The following PCDHGA2 variants were observed in gnomAD, a reference collection of about 807,000 sequenced individuals.
PCDHGA2 encodes the protein protocadherin gamma-A2.
Under a neutral mutation model 59.2 loss-of-function variants are expected in PCDHGA2, and 40 were observed. That is an observed-to-expected ratio of 0.68 (90% CI 0.52 to 0.88). The LOEUF (loss-of-function observed/expected upper bound fraction) is 0.88. Among genes scored for constraint, PCDHGA2 ranks in the 40% least tolerant of loss-of-function variants. PCDHGA2 has a pLI of 0.00. For missense variants in PCDHGA2, 1,226 were observed against 1,204.0 expected (o/e 1.02, Z -0.27); for synonymous variants, 560 against 526.0 (o/e 1.06, Z -0.89).
At chr5:141,384,266 C>T in intron 1 of PCDHGA2, 1 of 1,613,876 alleles carries the variant, frequency 6.2e-7, no homozygotes. Context: ...CCCCACTCAT[C>T]CTACTCAGTC....
At chr5:141,416,928 A>G (rs1297487387) in intron 1 of PCDHGA2, 4 of 152,170 alleles carry the variant, frequency 2.6e-5, no homozygotes, top group Non-Finnish European at 2.9e-5. Flanking sequence ...ATAGTTATTA[A>G]CTATTAAACC....
At position 141,491,150 on chromosome 5, in the gene PCDHGA2, A is replaced by G; in HGVS notation, c.2425-3657A>G. On this transcript the variant is annotated intron_variant, in intron 1 of 3. Coordinates refer to ENST00000394576, the MANE Select transcript of PCDHGA2 (RefSeq NM_018915.4). This position sits in a 1 kb window ranked among gnomAD's most constrained non-coding sequence, Gnocchi z 6.9. ...CGCACAGCCCGGGCCTTACTGGAGG[A>G]TGACTCTGACACCCAGCAGGTGGTG... is the stretch of plus-strand genomic sequence containing the variant. 1 of 1,614,122 alleles carries G rather than the reference A, an allele frequency of 6.2e-7. No individual in the cohort carries two copies. Among genetic ancestry groups the G allele is most frequent in the African/African-American group, 1.3e-5 (1 of 75,060 alleles).
chr5:141,367,287 C>T (rs1765038188), intron 1 of PCDHGA2: 2 of 153,044 alleles, frequency 1.3e-5, no homozygotes, highest in African/African-American at 2.4e-5. Flanking sequence ...GCCTGTAATC[C>T]CAGCACTTTG....
chr5:141,392,704 G>A, intron 1 of PCDHGA2: 1 of 1,281,856 alleles, frequency 7.8e-7, no homozygotes, highest in East Asian at 2.6e-5. Flanking sequence ...CCTGTTTGGA[G>A]GCACTCCAGG....
intron 1 of PCDHGA2, chr5:141,384,947 G>A: frequency 6.2e-7 from 1 of 1,614,100 alleles, no homozygotes; most frequent in Non-Finnish European, 8.5e-7. Context: ...CCCTCCGACG[G>A]TCCTTACAAC....
At chr5:141,460,453 A>T (rs1487816393) in intron 1 of PCDHGA2, among the ~76,000 whole-genome samples, 3 of 152,152 alleles carry the variant, frequency 2.0e-5, no homozygotes, top group Non-Finnish European at 4.4e-5. Flanking sequence ...ATGAAGATTC[A>T]TATTTTTTTC....
intron 2 of PCDHGA2, among the ~76,000 whole-genome samples, chr5:141,500,844 T>C (rs190011905): frequency 6.6e-6 from 1 of 152,204 alleles, no homozygotes; most frequent in Non-Finnish European, 1.5e-5. Flanking sequence ...AATGGGCTTT[T>C]GCTACATTAG....
At chr5:141,385,981 A>G (rs2090416620) in intron 1 of PCDHGA2, 1 of 152,244 alleles carries the variant, frequency 6.6e-6, no homozygotes, top group Non-Finnish European at 1.5e-5. Flanking sequence ...AACCAATAAA[A>G]TATGTCAAAT....
Position 141,476,461 on chromosome 5 carries a change from G to T in PCDHGA2, c.2425-18346G>T. On this transcript the variant is annotated intron_variant, in intron 1 of 3. Transcript: ENST00000394576. This position sits in a 1 kb window ranked among gnomAD's most constrained non-coding sequence, Gnocchi z 7.6. The stretch of plus-strand genomic sequence containing the variant: ...CTCTGGAGTTGGTAGTGGAGAACCC[G>T]CTGGAGCTGTTCAGCGTGGAAGTGG... The T allele has an allele frequency of 6.2e-7, 1 of 1,614,122 alleles. No homozygotes were observed. Among genetic ancestry groups the T allele is most frequent in the Non-Finnish European group, 8.5e-7 (1 of 1,180,022 alleles).
chr5:141,366,048 C>T (rs777611384), intron 1 of PCDHGA2: 9 of 1,614,262 alleles, frequency 5.6e-6, no homozygotes, highest in South Asian at 5.5e-5. Flanking sequence ...GACGGTTCCA[C>T]GGGCGTGGAG....
At chr5:141,428,307 C>T (rs759382004) in intron 1 of PCDHGA2, 5 of 688,034 alleles carry the variant, frequency 7.3e-6, no homozygotes, top group Non-Finnish European at 5.1e-6. Flanking sequence ...TTTACCTGGT[C>T]GTGGCCTTGG....
At position 141,490,207 on chromosome 5, in the gene PCDHGA2, C is replaced by G. The variant is rs142098675; in HGVS notation, c.2425-4600C>G. ...TTTCTATGAAATTCATGCAAGAGCC[C>G]GTGACCAGGGACAGCCTGCCATGGA... On this transcript the variant is annotated intron_variant, in intron 1 of 3. Coordinates refer to ENST00000394576, the MANE Select transcript of PCDHGA2 (RefSeq NM_018915.4). This position sits in a 1 kb window ranked among gnomAD's most constrained non-coding sequence, Gnocchi z 5.4. 2.9e-4 allele frequency: 470 copies of G among 1,614,056 alleles called. 1 individual carries two copies. Among genetic ancestry groups the G allele is most frequent in the Non-Finnish European group, 3.7e-4 (439 of 1,180,030 alleles).
chr5:141,408,903 A>C, intron 1 of PCDHGA2: 1 of 1,613,512 alleles, frequency 6.2e-7, no homozygotes, highest in Non-Finnish European at 8.5e-7. Context: ...TCTGTCAAGG[A>C]TACCAATGAT....
chr5:141,431,965 T>C lies in PCDHGA2; in HGVS notation c.2425-62842T>C, dbSNP rs765281339. The C allele has an allele frequency of 4.0e-5, 64 of 1,614,098 alleles. No homozygotes were observed. In the East Asian group the frequency reaches 4.9e-4, roughly 12 times the overall value. On this transcript the variant is annotated intron_variant, in intron 1 of 3. Transcript: ENST00000394576. This position sits in a 1 kb window ranked among gnomAD's most constrained non-coding sequence, Gnocchi z 4.8. Reference sequence around the variant, plus strand: ...TAGAAAAATCTTACGGAAATTACTATAGTTTAGTCACAGACATAGTCTTGG... The same window carrying C: ...TAGAAAAATCTTACGGAAATTACTACAGTTTAGTCACAGACATAGTCTTGG...
intron 1 of PCDHGA2, chr5:141,422,001 C>T (rs2096616874): frequency 6.2e-7 from 1 of 1,609,114 alleles, no homozygotes; most frequent in Non-Finnish European, 8.5e-7. Context: ...ACATCAGCTC[C>T]GGAACTCGGG....
chr5:141,476,642 C>T lies in PCDHGA2; in HGVS notation c.2425-18165C>T. On this transcript the variant is annotated intron_variant, in intron 1 of 3. Transcript: ENST00000394576. This position sits in a 1 kb window ranked among gnomAD's most constrained non-coding sequence, Gnocchi z 7.6. The stretch of plus-strand genomic sequence containing the variant: ...CTCTTTACAAACCTATGAGCTGAGC[C>T]GAAATGAATACTTTGCGCTTCGCGT... The T allele has an allele frequency of 1.9e-6, 3 of 1,614,240 alleles. No individual in the cohort carries two copies. The highest frequency in any genetic ancestry group is 2.5e-6 in the Non-Finnish European group (3 of 1,180,050).
chr5:141,427,481 C>G, intron 1 of PCDHGA2: 2 of 534,060 alleles, frequency 3.7e-6, no homozygotes, highest in Non-Finnish European at 7.2e-6. Flanking sequence ...CCAATAATGA[C>G]TATAAGCTTG....
intron 1 of PCDHGA2, among the ~76,000 whole-genome samples, chr5:141,450,322 T>A (rs1246284108): frequency 6.6e-6 from 1 of 152,106 alleles, no homozygotes; most frequent in African/African-American, 2.4e-5. Context: ...CTAGTTGCCA[T>A]GTCTCTTTAA....
At position 141,343,166 on chromosome 5, in the gene PCDHGA2, T is replaced by C. The variant is rs566601579; in HGVS notation, c.2424+1771T>C. On this transcript the variant is annotated intron_variant, in intron 1 of 3. Coordinates refer to ENST00000394576, the MANE Select transcript of PCDHGA2 (RefSeq NM_018915.4). The stretch of plus-strand genomic sequence containing the variant: ...GAAGGAAGCTACTGTGTCTATATTG[T>C]TCACCTTAAATCCCCAAACATATTG... 1.2e-4 allele frequency: 44 copies of C among 373,938 alleles called. No homozygotes were observed. The South Asian group carries it at 2.4e-3, about 21-fold the overall frequency. The allele number at this position is 373,938 out of a possible 1,614,324, so 23.2% of individuals were successfully genotyped here.
Sources: gnomAD v4.1 joint callset for allele counts (sites outside exome capture counted in the v4.1 genomes callset) on GRCh38, gnomAD v4.1.1 for gene constraint, Gnocchi (gnomAD v3.1) non-coding constraint, MANE v1.5 for transcripts, NCBI Gene and HGNC (gene_info 2026-07-23, HGNC 2026-07-21) for gene names.